UBN2: variants seen among roughly 807,000 people sequenced by gnomAD.
The protein encoded by UBN2 is ubinuclein 2, also known as ubinuclein-2.
Under a neutral mutation model 120.2 loss-of-function variants are expected in UBN2, and 35 were observed. The observed-to-expected ratio is 0.29, with a 90% CI of 0.22 to 0.39. The LOEUF (loss-of-function observed/expected upper bound fraction) is 0.39. Among genes scored for constraint, UBN2 ranks in the 10% least tolerant of loss-of-function variants. The pLI is 1.00. For missense variants in UBN2, 1,693 were observed against 1,663.2 expected, an observed-to-expected ratio of 1.02 and a Z score of -0.31; for synonymous variants, 661 against 648.7, an observed-to-expected ratio of 1.02 and a Z score of -0.29.
intron 3 of UBN2, among the ~76,000 whole-genome samples, chr7:139,254,262 CA>C (rs1194303432): frequency 6.6e-6 from 1 of 152,100 alleles, no homozygotes; most frequent in Non-Finnish European, 1.5e-5. Flanking sequence ...CACTGTACTC[CA>C]GCCTGGGCAA....
At chr7:139,329,091 T>A in the UBN2 span, among the ~76,000 whole-genome samples, 11 of 151,792 alleles carry the variant, frequency 7.2e-5, no homozygotes, top group Middle Eastern at 3.4e-3. Flanking sequence ...ATTTTTTTTT[T>A]AATTATAAAC....
At chr7:139,241,850 T>C (rs1039808651) in intron 2 of UBN2, among the ~76,000 whole-genome samples, 10 of 152,058 alleles carry the variant, frequency 6.6e-5, no homozygotes, top group Middle Eastern at 3.4e-3. Flanking sequence ...ATACAAAAAT[T>C]AGCTGGGCAT....
chr7:139,268,292 A>AT (rs200304205), intron 7 of UBN2, among the ~76,000 whole-genome samples: 9 of 150,054 alleles, frequency 6.0e-5, no homozygotes, highest in South Asian at 4.3e-4. Flanking sequence ...TCTGAGTTGA[A>AT]TTTTTTTTTT....
At chr7:139,251,002 G>A (rs1474120607) in intron 2 of UBN2, among the ~76,000 whole-genome samples, 1 of 152,010 alleles carries the variant, frequency 6.6e-6, no homozygotes, top group East Asian at 1.9e-4. Context: ...CACTTACGAG[G>A]CTGAGGCAGG....
intron 14 of UBN2, among the ~76,000 whole-genome samples, chr7:139,282,756 C>T (rs574986492): frequency 6.6e-5 from 10 of 152,212 alleles, no homozygotes; most frequent in South Asian, 2.1e-4. Context: ...GGGGGAGGCT[C>T]ATCAGTAATG....
intron 2 of UBN2, among the ~76,000 whole-genome samples, chr7:139,247,966 T>C (rs1335884366): frequency 2.0e-5 from 3 of 152,206 alleles, no homozygotes; most frequent in Non-Finnish European, 4.4e-5. Flanking sequence ...TTGTTTAATC[T>C]TTCTCTTCCC....
Position 139,266,418 on chromosome 7 carries a change from T to TAA in UBN2, c.1466+15_1466+16insAA. On this transcript the variant is annotated intron_variant, in intron 7 of 17. Transcript: ENST00000473989. ...ATTCTTCTGGAGTAAGTAATTTTCTTTAAAAAAAAAAACCTTAAGAATGAT... is the reference window on the plus strand; with the variant it reads ...ATTCTTCTGGAGTAAGTAATTTTCTTAATAAAAAAAAAAACCTTAAGAATGAT... 2 of 1,414,394 alleles carry TAA rather than the reference T, an allele frequency of 1.4e-6. No homozygotes were observed. The highest frequency in any genetic ancestry group is 1.9e-6 in the Non-Finnish European group (2 of 1,025,644). The allele number at this position is 1,414,394 out of a possible 1,614,324, so 87.6% of individuals were successfully genotyped here.
At chr7:139,281,088 A>G (rs1161387323) in intron 13 of UBN2, among the ~76,000 whole-genome samples, 1 of 152,228 alleles carries the variant, frequency 6.6e-6, no homozygotes, top group Non-Finnish European at 1.5e-5. Flanking sequence ...AGTACCCTCC[A>G]TAAAGGATTG....
the UBN2 span, among the ~76,000 whole-genome samples, chr7:139,327,463 A>G: frequency 6.6e-6 from 1 of 152,196 alleles, no homozygotes; most frequent in Non-Finnish European, 1.5e-5. Context: ...CGGAAGTCCA[A>G]TATCAAGGTG....
intron 15 of UBN2, among the ~76,000 whole-genome samples, chr7:139,289,429 T>TA (rs1169731346): frequency 1.3e-5 from 2 of 151,074 alleles, no homozygotes; most frequent in Non-Finnish European, 2.9e-5. Context: ...TTTTTTTTTT[T>TA]TGAGACAGGG....
At chr7:139,272,494 TTATGTATGTATGTATG>T (rs142378700) in intron 9 of UBN2, 54 bp downstream of exon 9, 58 of 1,105,088 alleles carry the variant, frequency 5.2e-5, no homozygotes, top group South Asian at 2.0e-4. Flanking sequence ...TGTATGTACG[TTATGTATGTATGTATG>T]TATGTATGTA....
intron 16 of UBN2, 91 bp downstream of exon 16, chr7:139,293,554 G>A: frequency 2.8e-6 from 3 of 1,060,398 alleles, no homozygotes; most frequent in Non-Finnish European, 4.1e-6. Flanking sequence ...AGTCCAGTTG[G>A]AGTTAATGAA....
chr7:139,292,510 C>T (rs149321999), intron 15 of UBN2, among the ~76,000 whole-genome samples: 3 of 152,170 alleles, frequency 2.0e-5, no homozygotes, highest in Admixed American at 6.5e-5. Flanking sequence ...GGTGAAAACC[C>T]GCTTTCAGGA....
At position 139,296,757 on chromosome 7, in the gene UBN2, G is replaced by A. The variant is rs144747359; in HGVS notation, c.3995-1030G>A. Among the ~76,000 whole-genome samples the A allele has an allele frequency of 4.0e-3, 606 of 152,156 alleles. 5 individuals are homozygous for A. Among genetic ancestry groups the A allele is most frequent in the Non-Finnish European group, 6.5e-3 (439 of 67,970 alleles). ...AGAAATTATTTTGAGCTGGTGTGGT[G>A]GCACACACCTGTAGTCCCACTACTT... On this transcript the variant is annotated intron_variant, in intron 17 of 17. Transcript: ENST00000473989.
chr7:139,234,862 A>C (rs1411064898), intron 1 of UBN2, among the ~76,000 whole-genome samples: 1 of 152,214 alleles, frequency 6.6e-6, no homozygotes, highest in Non-Finnish European at 1.5e-5. Context: ...AATTTGTGAA[A>C]GACCTCCTGA....
At chr7:139,310,024 C>T (rs538339520), downstream of UBN2, among the ~76,000 whole-genome samples, 1 of 151,958 alleles carries the variant, frequency 6.6e-6, no homozygotes, top group East Asian at 1.9e-4. Flanking sequence ...TTTTGTGTAA[C>T]AAATAGGTGA....
intron 15 of UBN2, among the ~76,000 whole-genome samples, chr7:139,292,065 A>T (rs923853184): frequency 6.6e-6 from 1 of 152,114 alleles, no homozygotes; most frequent in Non-Finnish European, 1.5e-5. Context: ...AGCCTGGGCA[A>T]CATGGTGAAA....
chr7:139,251,567 A>G (rs1321024833), intron 2 of UBN2, among the ~76,000 whole-genome samples: 1 of 152,180 alleles, frequency 6.6e-6, no homozygotes, highest in African/African-American at 2.4e-5. Flanking sequence ...TAGAATGTCC[A>G]TGAATTTGGT....
intron 15 of UBN2, among the ~76,000 whole-genome samples, chr7:139,284,898 C>T (rs1797739156): frequency 6.6e-6 from 1 of 152,078 alleles, no homozygotes; most frequent in African/African-American, 2.4e-5. Flanking sequence ...ACTAAAATGG[C>T]TTATTTCAAA....
Sources: allele counts gnomAD v4.1 joint callset (sites outside exome capture counted in the v4.1 genomes callset), GRCh38; gene constraint gnomAD v4.1.1; transcripts MANE v1.5; gene names NCBI Gene and HGNC (gene_info 2026-07-23, HGNC 2026-07-21).